OPHN1: variants seen among roughly 807,000 people sequenced by gnomAD.
The protein encoded by OPHN1 is oligophrenin 1, also known as oligophrenin-1.
Under a neutral mutation model 60.7 loss-of-function variants are expected in OPHN1, and 11 were observed. The ratio of observed to expected loss-of-function variants is 0.18; its 90% confidence interval spans 0.11 to 0.30. OPHN1 has a LOEUF of 0.30. Ranked by LOEUF, OPHN1 falls within the 10% of genes least tolerant of loss-of-function variation. The pLI, the probability that OPHN1 is intolerant of heterozygous loss-of-function variation, is 1.00. For missense variants in OPHN1, 449 were observed against 611.0 expected (o/e 0.73, Z 2.80); for synonymous variants, 226 against 222.6 (o/e 1.02, Z -0.14).
rs744218 is a variant in OPHN1, at chrX:68,194,385, A to G, written c.1138+80T>C. ...ATTCAGACTTGCGTTAGTAGTACAC[A>G]TCATTAATGATGGTATTTACTATGA... On this transcript the variant is annotated intron_variant, in intron 13 of 24. Coordinates refer to ENST00000355520, the MANE Select transcript of OPHN1 (RefSeq NM_002547.3). 22,871 of 810,419 alleles carry G rather than the reference A, an allele frequency of 0.028. 3,251 individuals are homozygous for G. In the African/African-American group the frequency reaches 0.41, roughly 14 times the overall value. The allele number at this position is 810,419 out of a possible 1,213,427, so 66.8% of individuals were successfully genotyped here.
chrX:68,225,404 A>C (rs918247433), intron 6 of OPHN1, among the ~76,000 whole-genome samples: 2 of 112,060 alleles, frequency 1.8e-5, no homozygotes, highest in African/African-American at 3.2e-5. Flanking sequence ...TTGAGATCTG[A>C]GAACGGACAG....
rs1162762734 is a variant in OPHN1 at position 68,247,965 on chromosome X, C to CGAGGGGGA, written c.385-13378_385-13377insTCCCCCTC. ...GAAATAGAAGGCTCCACCGATTGTCCCCCTCCACTGCAGTGACACCAAGTT... is the reference window on the plus strand; with the variant it reads ...GAAATAGAAGGCTCCACCGATTGTCCGAGGGGGACCCTCCACTGCAGTGACACCAAGTT... On this transcript the variant is annotated intron_variant, in intron 5 of 24. Transcript: ENST00000355520. Among the ~76,000 whole-genome samples, 3 of 111,043 alleles carry CGAGGGGGA rather than the reference C, an allele frequency of 2.7e-5. No homozygotes were observed. In the East Asian group the frequency reaches 8.5e-4, roughly 31 times the overall value.
intron 19 of OPHN1, among the ~76,000 whole-genome samples, chrX:68,091,805 T>C (rs2077019484): frequency 9.0e-6 from 1 of 111,210 alleles, no homozygotes; most frequent in African/African-American, 3.3e-5. Context: ...ATTACCTCTA[T>C]GCCTCAAGCC....
rs767896130 is a variant in OPHN1 at position 68,397,052 on chromosome X, G to T, written c.154+35815C>A. Among the ~76,000 whole-genome samples the T allele has an allele frequency of 2.3e-4, 26 of 111,259 alleles. No individual in the cohort carries two copies. In the South Asian group the frequency reaches 2.7e-3, roughly 11 times the overall value. Reference sequence around the variant, plus strand: ...GAAAACTGCCTCCTGATTGCAAGCTGCTCTTGCCTTGGAGCAACACCAGGA... The same window carrying T: ...GAAAACTGCCTCCTGATTGCAAGCTTCTCTTGCCTTGGAGCAACACCAGGA... On this transcript the variant is annotated intron_variant, in intron 2 of 24. Transcript: ENST00000355520.
rs760261486 is a variant in OPHN1, at chrX:68,274,714, C to T, written c.384+24G>A. The T allele has an allele frequency of 1.4e-5, 16 of 1,103,781 alleles. No individual in the cohort carries two copies. The Middle Eastern group carries it at 1.0e-3, about 72-fold the overall frequency. 91.0% of individuals were successfully genotyped at this position (1,103,781 alleles called of 1,213,427 possible). ...CTATTCGATTGCTATTTTAAAAAAT[C>T]TTATGCATATACAGAAAATGTACCT... On this transcript the variant is annotated intron_variant, in intron 5 of 24. Coordinates refer to ENST00000355520, the MANE Select transcript of OPHN1 (RefSeq NM_002547.3).
intron 2 of OPHN1, among the ~76,000 whole-genome samples, chrX:68,393,264 CA>C (rs1188104454): frequency 1.8e-5 from 2 of 112,283 alleles, no homozygotes; most frequent in Non-Finnish European, 3.8e-5. Context: ...CTTTAAAAAA[CA>C]AAACAAAACA....
chrX:68,056,942 T>C (rs1444921496), intron 21 of OPHN1, among the ~76,000 whole-genome samples: 1 of 111,912 alleles, frequency 8.9e-6, no homozygotes, highest in African/African-American at 3.2e-5. Context: ...GCAAAATTTT[T>C]TTAGCTAACC....
chrX:68,320,889 T>C (rs2078232280), intron 2 of OPHN1, among the ~76,000 whole-genome samples: 1 of 111,460 alleles, frequency 9.0e-6, no homozygotes, highest in African/African-American at 3.3e-5. Flanking sequence ...AAACCCCTTA[T>C]GTTTACTGAT....
chrX:68,372,025 G>A (rs1602362412), intron 2 of OPHN1, among the ~76,000 whole-genome samples: 1 of 112,474 alleles, frequency 8.9e-6, no homozygotes, highest in Non-Finnish European at 1.9e-5. Context: ...GATTACAGGT[G>A]TGAGCCACCA....
rs868163550 is a variant in OPHN1 at position 68,195,015 on chromosome X, G to A, written c.1105-517C>T. ...GAGAGAGAGAAAGAAAGGAAGGAAG[G>A]AAGGAAGGAAGGAAGGAAGGAAGGA... On this transcript the variant is annotated intron_variant, in intron 12 of 24. Coordinates refer to ENST00000355520, the MANE Select transcript of OPHN1 (RefSeq NM_002547.3). 9.8e-3 allele frequency among the ~76,000 whole-genome samples: 572 copies of A among 58,662 alleles called. 15 individuals carry two copies. The highest frequency in any genetic ancestry group is 0.056 in the African/African-American group (531 of 9,482). The allele number at this position is 58,662 out of a possible 115,157, so 50.9% of individuals were successfully genotyped here. A position where few individuals can be genotyped will look rare whatever the true frequency, so the allele number is the denominator to read the frequency against.
chrX:68,164,692 G>A (rs1480820025), intron 15 of OPHN1, among the ~76,000 whole-genome samples: 1 of 112,065 alleles, frequency 8.9e-6, no homozygotes, highest in Non-Finnish European at 1.9e-5. Context: ...TACATCACAA[G>A]TTGCATTAGC....
chrX:68,091,167 T>C (rs769834589), intron 19 of OPHN1, among the ~76,000 whole-genome samples: 1 of 111,489 alleles, frequency 9.0e-6, no homozygotes, highest in South Asian at 3.8e-4. Flanking sequence ...AATGCCTCCA[T>C]TTCCTATCTC....
chrX:68,222,209 CA>C (rs1288704115), intron 6 of OPHN1, among the ~76,000 whole-genome samples: 1 of 108,731 alleles, frequency 9.2e-6, no homozygotes, highest in Non-Finnish European at 1.9e-5. Context: ...CAGAGAAATG[CA>C]AATCAAAACC....
intron 7 of OPHN1, among the ~76,000 whole-genome samples, 197 bp downstream of exon 7, chrX:68,213,663 AAG>A (rs1163026757): frequency 9.2e-6 from 1 of 109,155 alleles, no homozygotes; most frequent in Non-Finnish European, 1.9e-5. Flanking sequence ...GCCATAGAAA[AAG>A]AGAGAAAAGG....
At chrX:68,144,798 C>A (rs1278321986) in intron 15 of OPHN1, among the ~76,000 whole-genome samples, 2 of 111,730 alleles carry the variant, frequency 1.8e-5, no homozygotes, top group Admixed American at 9.5e-5. Flanking sequence ...CTATTCTGTG[C>A]CAAGCCCTGT....
intron 2 of OPHN1, among the ~76,000 whole-genome samples, chrX:68,341,679 A>G (rs2078352332): frequency 4.5e-5 from 5 of 109,962 alleles, no homozygotes; most frequent in Admixed American, 3.9e-4. Context: ...ACAAAAAAAT[A>G]TATAAAAAAT....
At chrX:68,069,001 T>G (rs2147365901) in intron 20 of OPHN1, among the ~76,000 whole-genome samples, 1 of 112,101 alleles carries the variant, frequency 8.9e-6, no homozygotes, top group South Asian at 3.8e-4. Flanking sequence ...TGCACAAAAT[T>G]TACTAAAAAC....
chrX:68,347,098 T>C (rs1036408141), intron 2 of OPHN1, among the ~76,000 whole-genome samples: 2 of 111,573 alleles, frequency 1.8e-5, no homozygotes, highest in Non-Finnish European at 3.8e-5. Flanking sequence ...TGGCCCTGCC[T>C]AATATATTCT....
intron 2 of OPHN1, among the ~76,000 whole-genome samples, chrX:68,371,731 C>T (rs771976365): frequency 1.3e-3 from 144 of 111,540 alleles, no homozygotes; most frequent in African/African-American, 4.6e-3. Flanking sequence ...AATGTATCCC[C>T]GTTTTTTGTT....
Sources: allele counts gnomAD v4.1 joint callset (sites outside exome capture counted in the v4.1 genomes callset), GRCh38; gene constraint gnomAD v4.1.1; transcripts MANE v1.5; gene names NCBI Gene and HGNC (gene_info 2026-07-23, HGNC 2026-07-21).